Variants in THADA observed in about 807,000 individuals in gnomAD.
THADA encodes the protein THADA armadillo repeat containing.
Under a neutral mutation model 219.8 loss-of-function variants are expected in THADA, and 213 were observed. The observed-to-expected ratio is 0.97, with a 90% confidence interval of 0.87 to 1.09. The LOEUF (loss-of-function observed/expected upper bound fraction) is 1.09. Ranked by LOEUF, THADA falls within the 50% of genes least tolerant of loss-of-function variation. The pLI, the probability that THADA is intolerant of heterozygous loss-of-function variation, is 0.00. For missense variants in THADA, 2,956 were observed against 2,311.3 expected (o/e 1.28, Z -5.72); for synonymous variants, 1,018 against 828.9 (o/e 1.23, Z -3.92).
chr2:43,279,645 A>G, intron 36 of THADA, 120 bp downstream of exon 36: 1 of 1,277,282 alleles, frequency 7.8e-7, no homozygotes, highest in Non-Finnish European at 1.0e-6. Flanking sequence ...AAGATGGCAG[A>G]GTTGAGACAC....
intron 36 of THADA, among the ~76,000 whole-genome samples, chr2:43,245,099 C>CT (rs1668998099): frequency 6.6e-6 from 1 of 150,828 alleles, no homozygotes; most frequent in South Asian, 2.2e-4. Context: ...TGAAACTTCT[C>CT]TTTTTCCTTT....
intron 22 of THADA, among the ~76,000 whole-genome samples, chr2:43,515,263 A>G (rs867494601): frequency 3.0e-4 from 6 of 20,278 alleles, no homozygotes; most frequent in African/African-American, 8.6e-4. Flanking sequence ...TATAATATAT[A>G]ATATATAATA....
intron 36 of THADA, among the ~76,000 whole-genome samples, chr2:43,236,529 A>C (rs1379925519): frequency 6.6e-6 from 1 of 152,184 alleles, no homozygotes; most frequent in Non-Finnish European, 1.5e-5. Flanking sequence ...AGGAAACAAG[A>C]AAGCAAGCAG....
chr2:43,346,159 G>A (rs1573185339), intron 29 of THADA, among the ~76,000 whole-genome samples: 1 of 152,202 alleles, frequency 6.6e-6, no homozygotes, highest in Non-Finnish European at 1.5e-5. Context: ...ATGGGGCAGG[G>A]AAGGAGAGGG....
chr2:43,292,133 G>A lies in THADA; in HGVS notation c.4908C>T (p.Ile1636=). Residue 1636 remains isoleucine (I), a synonymous_variant, in exon 33 of 38, where the codon ATC becomes ATT. Coordinates refer to ENST00000405975, the MANE Select transcript of THADA (RefSeq NM_022065.5). ...CATTGGAAGCAATATCCATCGTCCA[G>A]ATCAAGAACTCCTTTGGGGTCAGAT... ...CVHLTPKEFL[I]WTMDIASNER... is the part of the protein sequence containing the mutation. 1 of 1,611,014 alleles carries A rather than the reference G, an allele frequency of 6.2e-7. No individual in the cohort carries two copies.
intron 26 of THADA, among the ~76,000 whole-genome samples, chr2:43,453,461 G>C (rs1443986461): frequency 6.6e-6 from 1 of 152,188 alleles, no homozygotes. Context: ...TTGAGAGCTA[G>C]AAAACTAATC....
At chr2:43,551,998 G>C in intron 18 of THADA, 73 bp from the exon 19 acceptor site, 4 of 1,574,060 alleles carry the variant, frequency 2.5e-6, no homozygotes, top group South Asian at 2.4e-5. Context: ...TTAGATAAAA[G>C]GATTGACTTT....
intron 26 of THADA, among the ~76,000 whole-genome samples, chr2:43,461,362 GAGTA>G (rs1683622034): frequency 6.6e-6 from 1 of 152,130 alleles, no homozygotes; most frequent in Non-Finnish European, 1.5e-5. Flanking sequence ...ACATACACTT[GAGTA>G]AGTGCAGGAA....
At chr2:43,233,259 C>T (rs1233550490) in intron 36 of THADA, 1 of 193,102 alleles carries the variant, frequency 5.2e-6, no homozygotes, top group Non-Finnish European at 1.1e-5. Flanking sequence ...TTTGCCCTTT[C>T]CTTGGAAAGC....
At chr2:43,333,536 GGAAA>G (rs988747296) in intron 30 of THADA, among the ~76,000 whole-genome samples, 14 of 149,920 alleles carry the variant, frequency 9.3e-5, no homozygotes, top group African/African-American at 2.9e-4. Context: ...AAAAAAAGAA[GGAAA>G]GAAAGAAAGA....
At chr2:43,287,139 C>A in intron 34 of THADA, 78 bp from the exon 35 acceptor site, 1 of 1,360,632 alleles carries the variant, frequency 7.3e-7, no homozygotes, top group Admixed American at 2.2e-5. Flanking sequence ...TGACCTACAC[C>A]AAACTGGGCC....
chr2:43,516,301 CAG>C (rs1691715618), intron 22 of THADA, among the ~76,000 whole-genome samples: 1 of 152,142 alleles, frequency 6.6e-6, no homozygotes, highest in Non-Finnish European at 1.5e-5. Flanking sequence ...CCATTTTACT[CAG>C]AGTAAAAGCC....
intron 36 of THADA, among the ~76,000 whole-genome samples, chr2:43,262,571 T>A (rs757647694): frequency 5.9e-5 from 9 of 152,228 alleles, no homozygotes; most frequent in Non-Finnish European, 1.2e-4. Flanking sequence ...CATGTAGACA[T>A]CAGGATTACC....
intron 24 of THADA, among the ~76,000 whole-genome samples, chr2:43,501,307 C>CAAAAAAAAAAAAAAAA (rs60448094): frequency 6.6e-5 from 1 of 15,050 alleles, no homozygotes; most frequent in East Asian, 3.2e-3. Flanking sequence ...ACTCCAACTC[C>CAAAAAAAAAAAAAAAA]AAAAAAAAAA....
At chr2:43,276,371 A>G (rs2104294874) in intron 36 of THADA, among the ~76,000 whole-genome samples, 1 of 152,292 alleles carries the variant, frequency 6.6e-6, no homozygotes, top group Non-Finnish European at 1.5e-5. Flanking sequence ...CATGTGCAGG[A>G]GATTCCAGCA....
chr2:43,398,186 T>C (rs754112913), intron 28 of THADA, 47 bp from the exon 29 acceptor site: 27 of 1,583,418 alleles, frequency 1.7e-5, no homozygotes, highest in Non-Finnish European at 2.2e-5. Context: ...CATCTCCACA[T>C]CTGTGACTTT....
Position 43,260,681 on chromosome 2 carries a change from T to C in THADA, c.5296+19084A>G, listed in dbSNP as rs547263480. ...AGAAGACTGTGCTTAAATATCTAAG[T>C]GGCATTATGTTGTTATATTTTTATT... On this transcript the variant is annotated intron_variant, in intron 36 of 37. Coordinates refer to ENST00000405975, the MANE Select transcript of THADA (RefSeq NM_022065.5). 7.2e-5 allele frequency among the ~76,000 whole-genome samples: 11 copies of C among 152,338 alleles called. No individual in the cohort carries two copies. The East Asian group carries it at 1.9e-3, about 27-fold the overall frequency.
intron 34 of THADA, among the ~76,000 whole-genome samples, chr2:43,287,761 G>A (rs1326191424): frequency 6.6e-6 from 1 of 152,158 alleles, no homozygotes; most frequent in Non-Finnish European, 1.5e-5. Context: ...ATTCTTGGCT[G>A]GGCCCATGGG....
intron 30 of THADA, among the ~76,000 whole-genome samples, chr2:43,336,288 T>C (rs1409910846): frequency 6.6e-6 from 1 of 151,872 alleles, no homozygotes; most frequent in Non-Finnish European, 1.5e-5. Flanking sequence ...TTGTTTGTTT[T>C]TGAGACAGAG....
Sources: gnomAD v4.1 joint callset for allele counts (sites outside exome capture counted in the v4.1 genomes callset) on GRCh38, gnomAD v4.1.1 for gene constraint, MANE v1.5 for transcripts, NCBI Gene and HGNC (gene_info 2026-07-23, HGNC 2026-07-21) for gene names.